RSRC1: variants seen among roughly 807,000 people sequenced by gnomAD.
RSRC1 encodes the protein arginine and serine rich coiled-coil 1.
In RSRC1, 39 loss-of-function variants were observed where a neutral mutation model predicts 49.1. That is an observed-to-expected ratio of 0.79 (90% CI 0.61 to 1.04). The LOEUF is 1.04. Among genes scored for constraint, RSRC1 ranks in the 50% least tolerant of loss-of-function variants. RSRC1 has a pLI of 0.00. For synonymous variants in RSRC1, 143 were observed against 130.8 expected, an observed-to-expected ratio of 1.09 and a Z score of -0.63; for missense variants, 388 against 402.4, an observed-to-expected ratio of 0.96 and a Z score of 0.31.
intron 6 of RSRC1, among the ~76,000 whole-genome samples, chr3:158,449,138 GA>G (rs1736884963): frequency 6.6e-6 from 1 of 151,602 alleles, no homozygotes; most frequent in African/African-American, 2.4e-5. Context: ...TCGATCTTTT[GA>G]GTAATATATA....
chr3:158,128,239 T>A (rs1280411923), intron 3 of RSRC1, among the ~76,000 whole-genome samples: 1 of 152,200 alleles, frequency 6.6e-6, no homozygotes, highest in Non-Finnish European at 1.5e-5. Context: ...TTTTCCCCAG[T>A]CCGTTACCCT....
At position 158,125,082 on chromosome 3, in the gene RSRC1, G is replaced by A. The variant is rs535375968; in HGVS notation, c.320+1091G>A. On this transcript the variant is annotated intron_variant, in intron 3 of 9. Coordinates refer to ENST00000611884, the MANE Select transcript of RSRC1 (RefSeq NM_001271838.2). ...GGTCCTCCCACCTTATCCTTCCAAA[G>A]TGCTGGCATTATAGGTATGATCTAC... Among the ~76,000 whole-genome samples the A allele has an allele frequency of 2.6e-5, 4 of 152,062 alleles. No individual in the cohort carries two copies. The South Asian group carries it at 8.3e-4, about 32-fold the overall frequency.
At chr3:158,126,281 T>A (rs1715622779) in intron 3 of RSRC1, among the ~76,000 whole-genome samples, 1 of 152,136 alleles carries the variant, frequency 6.6e-6, no homozygotes. Flanking sequence ...GCCTTATAGC[T>A]ATTTTGTCTC....
intron 3 of RSRC1, among the ~76,000 whole-genome samples, chr3:158,181,645 TA>T (rs1224448565): frequency 2.0e-5 from 3 of 152,234 alleles, no homozygotes; most frequent in Admixed American, 1.3e-4. Context: ...CTTATAGTGT[TA>T]TTGTAACTTA....
rs754933062 is a variant in RSRC1, at chr3:158,470,357, CACACATATATAT to C, written c.652+9356_652+9367del. Among the ~76,000 whole-genome samples the C allele has an allele frequency of 2.5e-3, 321 of 128,794 alleles. 3 individuals are homozygous for C. The highest frequency in any genetic ancestry group is 9.8e-3 in the African/African-American group (303 of 31,030). The allele number at this position is 128,794 out of a possible 152,430, so 84.5% of individuals were successfully genotyped here. A position where few individuals can be genotyped will look rare whatever the true frequency, so the allele number is the denominator to read the frequency against. Reference sequence around the variant, plus strand: ...ACACACACACACACACACACACACACACACATATATATATATATATATAAAACCATCTTCAGT... The same window carrying C: ...ACACACACACACACACACACACACACATATATATATAAAACCATCTTCAGT... On this transcript the variant is annotated intron_variant, in intron 7 of 9. Transcript: ENST00000611884.
intron 3 of RSRC1, among the ~76,000 whole-genome samples, chr3:158,164,296 G>T (rs565276830): frequency 7.9e-5 from 12 of 151,870 alleles, no homozygotes; most frequent in Non-Finnish European, 1.3e-4. Context: ...ATTATTAACT[G>T]CCAGGATTAT....
chr3:158,449,635 A>T lies in RSRC1; in HGVS notation c.584-11300A>T, dbSNP rs904385846. Reference sequence around the variant, plus strand: ...AGGATCTTTATATATATATATTTTTATTATTATACTTTAAGTTCTAGGGTA... The same window carrying T: ...AGGATCTTTATATATATATATTTTTTTTATTATACTTTAAGTTCTAGGGTA... On this transcript the variant is annotated intron_variant, in intron 6 of 9. Transcript: ENST00000611884. Among the ~76,000 whole-genome samples the T allele has an allele frequency of 8.0e-5, 12 of 149,650 alleles. No homozygotes were observed. The East Asian group carries it at 2.0e-3, about 24-fold the overall frequency.
chr3:158,240,578 A>G (rs2107991454), intron 4 of RSRC1, among the ~76,000 whole-genome samples: 1 of 152,204 alleles, frequency 6.6e-6, no homozygotes, highest in East Asian at 1.9e-4. Context: ...ATTTACGCGT[A>G]ATTTTTCTTT....
rs551706408 is a variant in RSRC1 at position 158,489,293 on chromosome 3, T to G, written c.652+28290T>G. ...TTCACTTTGATTTCAAATCTTTCTTTATACTTTCATAAATAACCAAATGCA... is the reference window on the plus strand; with the variant it reads ...TTCACTTTGATTTCAAATCTTTCTTGATACTTTCATAAATAACCAAATGCA... On this transcript the variant is annotated intron_variant, in intron 7 of 9. Transcript: ENST00000611884. 1.8e-3 allele frequency among the ~76,000 whole-genome samples: 271 copies of G among 152,368 alleles called. 2 individuals are homozygous for G. The highest frequency in any genetic ancestry group is 3.2e-3 in the Non-Finnish European group (219 of 68,040).
At chr3:158,277,729 A>G (rs779051654) in intron 4 of RSRC1, among the ~76,000 whole-genome samples, 41 of 152,230 alleles carry the variant, frequency 2.7e-4, no homozygotes, top group Non-Finnish European at 5.0e-4. Flanking sequence ...AATTTTGCAT[A>G]TAAGCACCAT....
At chr3:158,531,629 T>G (rs979710489) in intron 7 of RSRC1, among the ~76,000 whole-genome samples, 1 of 151,904 alleles carries the variant, frequency 6.6e-6, no homozygotes, top group Middle Eastern at 3.4e-3. Flanking sequence ...CCTATTCCAC[T>G]TAAGGAGTTT....
chr3:158,332,093 T>G (rs1018644231), intron 5 of RSRC1, among the ~76,000 whole-genome samples: 1 of 152,132 alleles, frequency 6.6e-6, no homozygotes, highest in East Asian at 1.9e-4. Flanking sequence ...CTGATTGTTT[T>G]AGAATGAAAG....
Position 158,122,196 on chromosome 3 carries a change from A to T in RSRC1, c.92A>T (p.Asp31Val). 6.2e-7 allele frequency: 1 copy of T among 1,608,570 alleles called. No individual in the cohort carries two copies. Among genetic ancestry groups the T allele is most frequent in the Non-Finnish European group, 8.5e-7 (1 of 1,176,684 alleles). The change falls in exon 2 of 10, where the codon GAT (aspartate) becomes GTT (valine). Residue 31 changes from aspartate (D) to valine (V), a missense_variant. Physicochemically the swap from Asp to Val is radical, Grantham distance 152 (BLOSUM62 -3). Coordinates refer to ENST00000611884, the MANE Select transcript of RSRC1 (RefSeq NM_001271838.2). ...CGGTCCTCCTCGAGCAGTTCTTCAG[A>T]TAGTAGAACATACAGCCGAAAGAAA... ...RRRSSSSSSS[D>V]SRTYSRKKGG...
At chr3:158,136,777 A>G (rs1716402805) in intron 3 of RSRC1, 1 of 152,144 alleles carries the variant, frequency 6.6e-6, no homozygotes, top group Admixed American at 6.5e-5. Flanking sequence ...ATGCAGGAGC[A>G]ATAGAGAAAA....
At chr3:158,159,438 A>G (rs1437104897) in intron 3 of RSRC1, among the ~76,000 whole-genome samples, 1 of 152,184 alleles carries the variant, frequency 6.6e-6, no homozygotes. Context: ...ACTTTACAAA[A>G]TATGCTTTCA....
At chr3:158,462,803 T>C (rs1266572836) in intron 7 of RSRC1, among the ~76,000 whole-genome samples, 2 of 151,988 alleles carry the variant, frequency 1.3e-5, no homozygotes, top group Non-Finnish European at 2.9e-5. Context: ...ATTTAGACTT[T>C]TCACTAAATC....
At chr3:158,292,624 C>A (rs1727002157) in intron 4 of RSRC1, among the ~76,000 whole-genome samples, 1 of 152,160 alleles carries the variant, frequency 6.6e-6, no homozygotes, top group Admixed American at 6.5e-5. Flanking sequence ...AGAGACAGAC[C>A]ACTAAAGAGG....
intron 4 of RSRC1, among the ~76,000 whole-genome samples, chr3:158,275,136 C>G (rs897017726): frequency 1.3e-5 from 2 of 152,146 alleles, no homozygotes; most frequent in Non-Finnish European, 2.9e-5. Flanking sequence ...AACCTTAAGG[C>G]TAATAATTTT....
At chr3:158,317,058 A>G (rs1016767817) in intron 5 of RSRC1, among the ~76,000 whole-genome samples, 5 of 152,200 alleles carry the variant, frequency 3.3e-5, no homozygotes, top group African/African-American at 1.2e-4. Context: ...AGGCCTCCTC[A>G]GCAGCAGTTA....
Sources: allele counts gnomAD v4.1 joint callset (sites outside exome capture counted in the v4.1 genomes callset), GRCh38; gene constraint gnomAD v4.1.1; transcripts MANE v1.5; gene names NCBI Gene and HGNC (gene_info 2026-07-23, HGNC 2026-07-21).